Variants in UBR4 observed in about 807,000 individuals in gnomAD.
UBR4 encodes the protein ubiquitin protein ligase E3 component n-recognin 4.
A neutral mutation model predicts 575.6 loss-of-function variants in UBR4; 124 were observed. That is an observed-to-expected ratio of 0.22 (90% confidence interval 0.19 to 0.25). The LOEUF (loss-of-function observed/expected upper bound fraction) is 0.25. UBR4 is among the 10% of genes least tolerant of loss of function. The probability of loss-of-function intolerance (pLI) is 1.00; values close to 1 mark genes in which losing one functional copy is unlikely to be tolerated. For synonymous variants in UBR4, 2,455 were observed against 2,473.7 expected (o/e 0.99, Z 0.22); for missense variants, 4,818 against 6,478.8 (o/e 0.74, Z 8.80).
intron 52 of UBR4, chr1:19,146,197 A>G: frequency 9.3e-7 from 1 of 1,078,664 alleles, no homozygotes; most frequent in East Asian, 3.4e-5. Flanking sequence ...CAAAGATCTC[A>G]GTTCCAACTG....
At chr1:19,097,383 T>C (rs896943187) in intron 90 of UBR4, 103 bp from the exon 91 acceptor site, 15 of 856,346 alleles carry the variant, frequency 1.8e-5, no homozygotes, top group South Asian at 6.7e-5. Flanking sequence ...GTGGAGAGCC[T>C]CTATTTTTCT....
At position 19,087,793 on chromosome 1, in the gene UBR4, G is replaced by A. The variant is rs376078327; in HGVS notation, c.14544+23C>T. 3.3e-5 allele frequency: 53 copies of A among 1,588,448 alleles called. No individual in the cohort carries two copies. The South Asian group carries it at 3.8e-4, about 11-fold the overall frequency. ...GGGGTCAGGCTGGGCCCTCAGGACCGACCGTAGGCCCAGCAGCTGTACCTG... is the reference window on the plus strand; with the variant it reads ...GGGGTCAGGCTGGGCCCTCAGGACCAACCGTAGGCCCAGCAGCTGTACCTG... On this transcript the variant is annotated intron_variant, in intron 99 of 105. Transcript: ENST00000375254.
At chr1:19,099,248 G>A (rs1032850836) in intron 90 of UBR4, among the ~76,000 whole-genome samples, 3 of 152,214 alleles carry the variant, frequency 2.0e-5, no homozygotes, top group Non-Finnish European at 2.9e-5. Context: ...AATCTCAGCT[G>A]AGAGGTGTCC....
intron 21 of UBR4, 56 bp downstream of exon 21, chr1:19,174,898 T>C: frequency 1.3e-6 from 2 of 1,521,234 alleles, no homozygotes; most frequent in Non-Finnish European, 1.8e-6. Flanking sequence ...AGTAGGCTGA[T>C]TCTGGTGGAA....
intron 1 of UBR4, among the ~76,000 whole-genome samples, chr1:19,209,221 G>A (rs1000514250): frequency 2.0e-5 from 3 of 152,200 alleles, no homozygotes; most frequent in African/African-American, 7.2e-5. Flanking sequence ...TTGCTGAAAT[G>A]AGGTATGGCT....
rs2078154402 is a variant in UBR4 at position 19,097,209 on chromosome 1, G to A, written c.13374C>T (p.Ser4458=). ...LGDATEEFIE[S]LDSTTDEEED... The stretch of plus-strand genomic sequence containing the variant: ...ATGATCTACCTGTAGTAGAGTCCAG[G>A]GACTCAATGAACTCCTCTGTGGCAT... The change falls in exon 91 of 106, where the codon TCC becomes TCT. Residue 4458 remains serine, a synonymous_variant. Transcript: ENST00000375254. The A allele has an allele frequency of 1.9e-6, 3 of 1,613,318 alleles. No homozygotes were observed. The highest frequency in any genetic ancestry group is 2.2e-5 in the South Asian group (2 of 91,008).
chr1:19,140,818 C>T lies in UBR4; in HGVS notation c.8563G>A (p.Ala2855Thr), dbSNP rs2083819012. 3 of 1,613,266 alleles carry T rather than the reference C, an allele frequency of 1.9e-6. No individual in the cohort carries two copies. Among genetic ancestry groups the T allele is most frequent in the Non-Finnish European group, 2.5e-6 (3 of 1,179,918 alleles). ...GQAPSSSSLD[A>T]GTLSDTTASA... is the part of the protein sequence containing the mutation. ...GCTGTGGTGTCAGAGAGGGTTCCTG[C>T]GTCCAGAGAGGAAGAGCTGGGTGCC... The change falls in exon 58 of 106, where the codon GCA becomes ACA. Residue 2855 changes from alanine to threonine, a missense_variant. By Grantham distance (58) the Ala-to-Thr change is moderately conservative. This residue lies in a region of UBR4 where 129 missense variants were observed against 198.4 expected (regional missense o/e 0.65). Coordinates refer to ENST00000375254, the MANE Select transcript of UBR4 (RefSeq NM_020765.3).
In UBR4 at chr1:19,115,243, C is replaced by T. The variant is rs140820885; in HGVS notation, c.11063+155G>A. The stretch of plus-strand genomic sequence containing the variant: ...CACACTCACTCACTCTCTCTTCTTC[C>T]TCCTCCCTTTCTACCCTTGAACCCA... On this transcript the variant is annotated intron_variant, in intron 74 of 105. Transcript: ENST00000375254. 4.7e-4 allele frequency among the ~76,000 whole-genome samples: 71 copies of T among 152,112 alleles called. No individual in the cohort carries two copies. In the East Asian group the frequency reaches 0.013, roughly 27 times the overall value.
At position 19,199,676 on chromosome 1, in the gene UBR4, G is replaced by A. The variant is rs777242440; in HGVS notation, c.353C>T (p.Pro118Leu). 1.9e-6 allele frequency: 3 copies of A among 1,614,102 alleles called. No homozygotes were observed. The East Asian group carries it at 6.7e-5, about 36-fold the overall frequency. ...CTGGGACACAGCACAAGCCTCATCT[G>A]GATTCTCCAGACGCAGGAGAGAAAA... The part of the protein sequence containing the change: ...IEFSLLRLEN[P>L]DEACAVSQKH... Residue 118 changes from proline (P) to leucine (L), a missense_variant, in exon 3 of 106, where the codon CCA (proline) becomes CTA (leucine). Coordinates refer to ENST00000375254, the MANE Select transcript of UBR4 (RefSeq NM_020765.3).
rs748104902 is a variant in UBR4 at position 19,157,392 on chromosome 1, A to C, written c.5760+423T>G. 1.3e-5 allele frequency among the ~76,000 whole-genome samples: 2 copies of C among 152,202 alleles called. No individual in the cohort carries two copies. ...TAGCTCTATAACACAATACAAACTTACTTATGTGCTTAACAGAGCTGGGAT... is the reference window on the plus strand; with the variant it reads ...TAGCTCTATAACACAATACAAACTTCCTTATGTGCTTAACAGAGCTGGGAT... On this transcript the variant is annotated intron_variant, in intron 40 of 105. Transcript: ENST00000375254. The surrounding 1 kb of genome is among the most constrained non-coding windows in gnomAD (Gnocchi z 4.4).
chr1:19,165,210 A>G, intron 31 of UBR4, 39 bp downstream of exon 31: 2 of 1,582,002 alleles, frequency 1.3e-6, no homozygotes, highest in Non-Finnish European at 8.7e-7. Context: ...GCCGGACATC[A>G]AAGTTCCCAT....
chr1:19,104,573 G>A lies in UBR4; in HGVS notation c.12727+12C>T, dbSNP rs1165132705. On this transcript the variant is annotated intron_variant, in intron 86 of 105. Coordinates refer to ENST00000375254, the MANE Select transcript of UBR4 (RefSeq NM_020765.3). ...CAGGATGCCCTAAAGGAAGGTCCAG[G>A]TGGCTCTTTACCTGTGAGACTTTTA... The A allele has an allele frequency of 6.2e-7, 1 of 1,613,886 alleles. No individual in the cohort carries two copies. The highest frequency in any genetic ancestry group is 8.5e-7 in the Non-Finnish European group (1 of 1,179,922).
At chr1:19,183,746 G>T in intron 17 of UBR4, 65 bp downstream of exon 17, 1 of 1,495,502 alleles carries the variant, frequency 6.7e-7, no homozygotes, top group South Asian at 1.1e-5. Context: ...ACAAACAATT[G>T]GAGCTGCAGC....
intron 83 of UBR4, 123 bp from the exon 84 acceptor site, chr1:19,105,965 T>C (rs1570537632): frequency 5.0e-6 from 3 of 596,280 alleles, no homozygotes; most frequent in East Asian, 6.4e-5. Context: ...TCTAGGAAAA[T>C]GTTAAGAGGT....
chr1:19,164,017 A>G (rs938626908), intron 33 of UBR4, among the ~76,000 whole-genome samples, 190 bp from the exon 34 acceptor site: 1 of 152,176 alleles, frequency 6.6e-6, no homozygotes, highest in Non-Finnish European at 1.5e-5. Flanking sequence ...TATCATTAAC[A>G]CTTGGCATAC....
chr1:19,176,696 C>T lies in UBR4; in HGVS notation c.2669G>A (p.Gly890Glu). The T allele has an allele frequency of 6.2e-7, 1 of 1,614,038 alleles. No homozygotes were observed. Among genetic ancestry groups the T allele is most frequent in the Non-Finnish European group, 8.5e-7 (1 of 1,179,994 alleles). Residue 890 changes from glycine (G) to glutamate (E), a missense_variant, in exon 20 of 106, where the codon GGG (glycine) becomes GAG (glutamate). Coordinates refer to ENST00000375254, the MANE Select transcript of UBR4 (RefSeq NM_020765.3). ...VQHNLLSPPF[G>E]WASGSQDSNS... is the part of the protein sequence containing the mutation. ...GCTGTCCTGGGATCCACTTGCCCAC[C>T]CAAAGGGAGGACTTAGCAGGTTATG...
intron 8 of UBR4, among the ~76,000 whole-genome samples, chr1:19,196,352 A>T (rs941742857): frequency 6.6e-6 from 1 of 152,218 alleles, no homozygotes; most frequent in Non-Finnish European, 1.5e-5. Flanking sequence ...AGGGAGATCA[A>T]CCTCAGTAAT....
At chr1:19,180,928 C>T (rs1018860946) in intron 17 of UBR4, among the ~76,000 whole-genome samples, 5 of 152,206 alleles carry the variant, frequency 3.3e-5, no homozygotes, top group Non-Finnish European at 5.9e-5. Flanking sequence ...CTCTTTCATA[C>T]TGGCATTTCT....
chr1:19,092,575 C>T (rs1023520383), intron 97 of UBR4, among the ~76,000 whole-genome samples: 3 of 152,154 alleles, frequency 2.0e-5, no homozygotes, highest in South Asian at 2.1e-4. Context: ...TCAGCCAATC[C>T]CTCACAGTTC....
Sources: allele counts gnomAD v4.1 joint callset (sites outside exome capture counted in the v4.1 genomes callset), GRCh38; gene constraint gnomAD v4.1.1; regional missense constraint gnomAD v4.1.1; non-coding constraint Gnocchi (gnomAD v3.1); transcripts MANE v1.5; gene names NCBI Gene and HGNC (gene_info 2026-07-23, HGNC 2026-07-21).